The following GFRA2 variants were observed in gnomAD, a reference collection of about 807,000 sequenced individuals.
GFRA2 encodes GDNF family receptor alpha 2.
In GFRA2, 17 loss-of-function variants were observed where a neutral mutation model predicts 48.3. The observed-to-expected ratio is 0.35, with a 90% CI of 0.24 to 0.53. The LOEUF (loss-of-function observed/expected upper bound fraction) is 0.53. Among genes scored for constraint, GFRA2 ranks in the 20% least tolerant of loss-of-function variants. GFRA2 has a pLI of 0.93. For synonymous variants in GFRA2, 305 were observed against 257.2 expected (o/e 1.19, Z -1.78); for missense variants, 660 against 637.3 (o/e 1.04, Z -0.38).
chr8:21,746,955 C>A (rs549722002), intron 4 of GFRA2, among the ~76,000 whole-genome samples: 2 of 152,300 alleles, frequency 1.3e-5, no homozygotes, highest in South Asian at 2.1e-4. Flanking sequence ...ATCCACCCTT[C>A]CTTAAAGCAA....
At chr8:21,757,590 T>C (rs1169961525) in intron 3 of GFRA2, among the ~76,000 whole-genome samples, 1 of 150,892 alleles carries the variant, frequency 6.6e-6, no homozygotes, top group African/African-American at 2.5e-5. Flanking sequence ...GCCTCCCAGG[T>C]TCAGGCGATT....
At chr8:21,728,030 C>T (rs926919812) in intron 4 of GFRA2, among the ~76,000 whole-genome samples, 6 of 152,140 alleles carry the variant, frequency 3.9e-5, no homozygotes, top group Admixed American at 3.3e-4. Context: ...CTCCTCATCA[C>T]ATACATTAGG....
intron 3 of GFRA2, among the ~76,000 whole-genome samples, chr8:21,759,422 GAAA>G (rs1805765365): frequency 7.4e-6 from 1 of 135,428 alleles, no homozygotes; most frequent in Non-Finnish European, 1.6e-5. Context: ...GGGAAAGAGG[GAAA>G]GAGGGAAAGA....
chr8:21,694,415 C>G (rs764150604), intron 8 of GFRA2, 49 bp downstream of exon 8: 4 of 1,553,128 alleles, frequency 2.6e-6, no homozygotes, highest in Non-Finnish European at 3.5e-6. Flanking sequence ...AATGCCGCCC[C>G]CCACCGGCCC....
chr8:21,716,741 G>A (rs1253792810), intron 4 of GFRA2, among the ~76,000 whole-genome samples: 1 of 152,152 alleles, frequency 6.6e-6, no homozygotes, highest in East Asian at 1.9e-4. Flanking sequence ...GGAGAGTTTT[G>A]CTCATTATAA....
chr8:21,736,491 T>C (rs905892413), intron 4 of GFRA2, among the ~76,000 whole-genome samples: 2 of 152,042 alleles, frequency 1.3e-5, no homozygotes, highest in African/African-American at 2.4e-5. Context: ...TTCTGTCTTG[T>C]CCGATTTTTT....
intron 2 of GFRA2, among the ~76,000 whole-genome samples, chr8:21,800,665 C>A (rs1228068117): frequency 6.6e-6 from 1 of 152,216 alleles, no homozygotes; most frequent in East Asian, 1.9e-4. Context: ...TGGCTCACGC[C>A]TGTAATCCCA....
intron 4 of GFRA2, among the ~76,000 whole-genome samples, chr8:21,730,695 C>T (rs1335808657): frequency 6.6e-6 from 1 of 152,146 alleles, no homozygotes; most frequent in Non-Finnish European, 1.5e-5. Context: ...CTCACTCAGA[C>T]TTGCAGAAGC....
intron 4 of GFRA2, among the ~76,000 whole-genome samples, chr8:21,727,179 C>A (rs1045701054): frequency 6.6e-6 from 1 of 152,208 alleles, no homozygotes; most frequent in African/African-American, 2.4e-5. Context: ...GATCTCACTT[C>A]CCTCACCCCA....
intron 4 of GFRA2, among the ~76,000 whole-genome samples, chr8:21,737,345 G>A (rs1034922329): frequency 1.3e-5 from 2 of 151,850 alleles, no homozygotes; most frequent in Non-Finnish European, 2.9e-5. Context: ...GTCCAGCCTG[G>A]ACGACAGAGT....
At chr8:21,770,622 G>A (rs891241235) in intron 3 of GFRA2, among the ~76,000 whole-genome samples, 160 of 152,264 alleles carry the variant, frequency 1.1e-3, no homozygotes, top group African/African-American at 3.5e-3. Flanking sequence ...ACACTTGCAC[G>A]GCATGGCCAG....
At chr8:21,727,237 G>A (rs1803915653) in intron 4 of GFRA2, among the ~76,000 whole-genome samples, 1 of 152,140 alleles carries the variant, frequency 6.6e-6, no homozygotes, top group Non-Finnish European at 1.5e-5. Flanking sequence ...AGACTGAGAG[G>A]TCACTCCTCC....
intron 4 of GFRA2, among the ~76,000 whole-genome samples, chr8:21,723,667 C>A (rs1803714089): frequency 6.6e-6 from 1 of 152,140 alleles, no homozygotes; most frequent in South Asian, 2.1e-4. Context: ...CTCCACCCCG[C>A]AGGGTCCACT....
intron 3 of GFRA2, among the ~76,000 whole-genome samples, chr8:21,757,837 A>T (rs13273530): frequency 0.18 from 27,699 of 151,894 alleles, 2,836 homozygotes; most frequent in Middle Eastern, 0.23. Context: ...AATCTGTTTA[A>T]CTCCTTATTG....
intron 6 of GFRA2, among the ~76,000 whole-genome samples, chr8:21,703,307 C>T (rs1802577073): frequency 1.3e-5 from 2 of 152,088 alleles, no homozygotes; most frequent in South Asian, 4.1e-4. Context: ...GGGCCACCTC[C>T]TCTGCATGGT....
chr8:21,753,474 G>A (rs1805396060), intron 3 of GFRA2, among the ~76,000 whole-genome samples: 1 of 152,126 alleles, frequency 6.6e-6, no homozygotes, highest in Non-Finnish European at 1.5e-5. Flanking sequence ...TGGGCGTGGT[G>A]ACATGTGGTG....
chr8:21,698,631 ACT>A (rs1802325601), intron 7 of GFRA2, among the ~76,000 whole-genome samples: 1 of 151,912 alleles, frequency 6.6e-6, no homozygotes, highest in South Asian at 2.1e-4. Context: ...ATCCCCAGTA[ACT>A]CACACCTCTC....
Position 21,702,890 on chromosome 8 carries a change from AC to A in GFRA2, c.1132del (p.Val378TrpfsTer33). On this transcript the variant is annotated frameshift_variant, in exon 7 of 9. Coordinates refer to ENST00000524240, the MANE Select transcript of GFRA2 (RefSeq NM_001495.5). LOFTEE classifies it high-confidence loss of function. ...PSFQATQAPR[V>X]EKTPSLPDDL... ...ATCTGGCAAAGAAGGCGTCTTCTCC[AC>A]CCGAGGGGCCTGGGTGGCCTGGAAC... 1 of 1,605,346 alleles carries A rather than the reference AC, an allele frequency of 6.2e-7. No homozygotes were observed. The highest frequency in any genetic ancestry group is 8.5e-7 in the Non-Finnish European group (1 of 1,176,068).
chr8:21,808,270 G>A (rs1490642700), intron 1 of GFRA2, among the ~76,000 whole-genome samples: 4 of 152,098 alleles, frequency 2.6e-5, no homozygotes, highest in East Asian at 3.9e-4. Context: ...TTGTCATGTC[G>A]GCTCCCAAAT....
Sources: gnomAD v4.1 joint callset for allele counts (sites outside exome capture counted in the v4.1 genomes callset) on GRCh38, gnomAD v4.1.1 for gene constraint, MANE v1.5 for transcripts, NCBI Gene and HGNC (gene_info 2026-07-23, HGNC 2026-07-21) for gene names.